TMPRSS15: variants seen among roughly 807,000 people sequenced by gnomAD.
TMPRSS15 encodes the protein transmembrane serine protease 15.
A neutral mutation model predicts 125.3 loss-of-function variants in TMPRSS15; 128 were observed. That is an observed-to-expected ratio of 1.02 (90% CI 0.89 to 1.18). The LOEUF (loss-of-function observed/expected upper bound fraction) is 1.18, where lower values mean the gene tolerates loss of function less well. TMPRSS15 is among the 50% of genes most tolerant of loss of function. The pLI is 0.00. For missense variants in TMPRSS15, 1,283 were observed against 1,212.7 expected, an observed-to-expected ratio of 1.06 and a Z score of -0.86; for synonymous variants, 446 against 423.2, an observed-to-expected ratio of 1.05 and a Z score of -0.66.
chr21:18,440,186 A>G (rs768684952), intron 1 of TMPRSS15, among the ~76,000 whole-genome samples: 1 of 151,546 alleles, frequency 6.6e-6, no homozygotes, highest in African/African-American at 2.4e-5. Flanking sequence ...CATCCTGGCT[A>G]ACACGGTGAA....
At chr21:18,414,433 G>A (rs2076175341) in intron 1 of TMPRSS15, among the ~76,000 whole-genome samples, 1 of 152,042 alleles carries the variant, frequency 6.6e-6, no homozygotes, top group African/African-American at 2.4e-5. Flanking sequence ...TTAACTCTAG[G>A]CACTATGTTA....
intron 1 of TMPRSS15, among the ~76,000 whole-genome samples, chr21:18,445,681 C>T (rs1024961480): frequency 6.6e-6 from 1 of 152,058 alleles, no homozygotes; most frequent in South Asian, 2.1e-4. Flanking sequence ...CAATTAGATA[C>T]ATCACATTAA....
At chr21:18,484,441 T>C (rs1452040214) in intron 1 of TMPRSS15, among the ~76,000 whole-genome samples, 2 of 151,814 alleles carry the variant, frequency 1.3e-5, no homozygotes, top group African/African-American at 4.8e-5. Context: ...AATCAGACTA[T>C]TTCCTTTTCA....
intron 1 of TMPRSS15, among the ~76,000 whole-genome samples, chr21:18,449,824 A>T (rs1163559037): frequency 6.6e-6 from 1 of 151,686 alleles, no homozygotes; most frequent in South Asian, 2.1e-4. Context: ...TCTTTTTCTG[A>T]GGTGACTCAG....
chr21:18,414,648 C>A (rs8127683), intron 1 of TMPRSS15, among the ~76,000 whole-genome samples: 1 of 151,960 alleles, frequency 6.6e-6, no homozygotes, highest in Non-Finnish European at 1.5e-5. Flanking sequence ...AGCATAATGC[C>A]TTCCAGGTTC....
chr21:18,397,198 A>G (rs1222373514), intron 3 of TMPRSS15, among the ~76,000 whole-genome samples: 1 of 152,126 alleles, frequency 6.6e-6, no homozygotes, highest in Non-Finnish European at 1.5e-5. Context: ...TTTGTAGTTT[A>G]GAAAACTTTA....
Position 18,484,880 on chromosome 21 carries a change from G to T in TMPRSS15, c.10+919C>A, listed in dbSNP as rs753563192. 5.4e-4 allele frequency among the ~76,000 whole-genome samples: 82 copies of T among 151,210 alleles called. 1 individual carries two copies. Among genetic ancestry groups the T allele is most frequent in the Non-Finnish European group, 1.1e-3 (74 of 67,710 alleles). ...TCTGTTTTTATCTTTCTTCTGTAAG[G>T]TTGCCTTAACTGTCCTTAGCTCCTT... is the stretch of plus-strand genomic sequence containing the variant. On this transcript the variant is annotated intron_variant, in intron 1 of 7. Transcript: ENST00000422787.
At chr21:18,414,193 T>C (rs1038454615) in intron 1 of TMPRSS15, among the ~76,000 whole-genome samples, 1 of 152,210 alleles carries the variant, frequency 6.6e-6, no homozygotes, top group Admixed American at 6.5e-5. Context: ...TTAACAGTTT[T>C]TTTTAAGATA....
intron 21 of TMPRSS15, among the ~76,000 whole-genome samples, chr21:18,281,504 G>C (rs1367600694): frequency 6.6e-6 from 1 of 152,088 alleles, no homozygotes; most frequent in Non-Finnish European, 1.5e-5. Context: ...TTGCAATCTC[G>C]TGAGGTGCTT....
At chr21:18,288,438 C>CCCATGTAA (rs1346028942) in intron 21 of TMPRSS15, among the ~76,000 whole-genome samples, 2 of 151,904 alleles carry the variant, frequency 1.3e-5, no homozygotes, top group African/African-American at 4.8e-5. Context: ...ATGCAATCCA[C>CCCATGTAA]CCATGTAACA....
chr21:18,443,489 G>C (rs1367081059), intron 1 of TMPRSS15, among the ~76,000 whole-genome samples: 1 of 152,156 alleles, frequency 6.6e-6, no homozygotes, highest in African/African-American at 2.4e-5. Flanking sequence ...GGCATCCCCG[G>C]TCTCCCCACT....
At chr21:18,271,377 AT>A (rs1192600642) in intron 24 of TMPRSS15, among the ~76,000 whole-genome samples, 6 of 152,176 alleles carry the variant, frequency 3.9e-5, no homozygotes, top group Non-Finnish European at 7.3e-5. Context: ...AAACAATTTA[AT>A]TTTTTAATAG....
intron 7 of TMPRSS15, among the ~76,000 whole-genome samples, chr21:18,362,381 C>T (rs958860933): frequency 3.4e-4 from 52 of 152,108 alleles, no homozygotes; most frequent in African/African-American, 1.3e-3. Context: ...TTCAAGCTGT[C>T]AATCTAAGGA....
At chr21:18,418,423 A>C (rs117515636) in intron 1 of TMPRSS15, among the ~76,000 whole-genome samples, 1 of 152,330 alleles carries the variant, frequency 6.6e-6, no homozygotes, top group Non-Finnish European at 1.5e-5. Flanking sequence ...CCACATACGT[A>C]GAAGCGACAG....
chr21:18,450,372 G>T (rs2076265335), intron 1 of TMPRSS15, among the ~76,000 whole-genome samples: 1 of 151,920 alleles, frequency 6.6e-6, no homozygotes. Flanking sequence ...TCCTCCCTGT[G>T]ATTCAGTTTC....
intron 3 of TMPRSS15, 67 bp from the exon 4 acceptor site, chr21:18,383,845 T>C: frequency 6.5e-7 from 1 of 1,547,106 alleles, no homozygotes; most frequent in South Asian, 1.2e-5. Context: ...GTTCAATTCA[T>C]GTTAAATGTC....
At chr21:18,300,110 T>C (rs960167175) in intron 18 of TMPRSS15, among the ~76,000 whole-genome samples, 6 of 57,104 alleles carry the variant, frequency 1.1e-4, no homozygotes, top group Non-Finnish European at 2.3e-4. Context: ...TTCACTTATC[T>C]ATAGCTCGTC....
chr21:18,428,508 T>G (rs879483080), intron 1 of TMPRSS15, among the ~76,000 whole-genome samples: 3 of 152,100 alleles, frequency 2.0e-5, no homozygotes, highest in Non-Finnish European at 2.9e-5. Flanking sequence ...GAAAATGATT[T>G]TGTGGGCCGG....
chr21:18,359,713 A>G lies in TMPRSS15; in HGVS notation c.880+44T>C, dbSNP rs759113667. 4.1e-6 allele frequency: 4 copies of G among 965,814 alleles called. No individual in the cohort carries two copies. In the African/African-American group the frequency reaches 4.9e-5, roughly 12 times the overall value. The allele number at this position is 965,814 out of a possible 1,614,324, so 59.8% of individuals were successfully genotyped here. On this transcript the variant is annotated intron_variant, in intron 8 of 24. Coordinates refer to ENST00000284885, the MANE Select transcript of TMPRSS15 (RefSeq NM_002772.3). ...CATACCACTCCAAAAATTTACCCACATATTTTCATTTTCATAAGTAATTGT... is the reference window on the plus strand; with the variant it reads ...CATACCACTCCAAAAATTTACCCACGTATTTTCATTTTCATAAGTAATTGT...
Sources: allele counts gnomAD v4.1 joint callset (sites outside exome capture counted in the v4.1 genomes callset), GRCh38; gene constraint gnomAD v4.1.1; transcripts MANE v1.5; gene names NCBI Gene and HGNC (gene_info 2026-07-23, HGNC 2026-07-21).